ICE2: variants seen among roughly 807,000 people sequenced by gnomAD.
The protein encoded by ICE2 is little elongation complex subunit 2.
In ICE2, 87 loss-of-function variants were observed where a neutral mutation model predicts 105.4. That is an observed-to-expected ratio of 0.83 (90% CI 0.69 to 0.99). ICE2 has a LOEUF of 0.99. Ranked by LOEUF, ICE2 falls within the 50% of genes least tolerant of loss-of-function variation. The pLI, the probability that ICE2 is intolerant of heterozygous loss-of-function variation, is 0.00. For synonymous variants in ICE2, 399 were observed against 392.0 expected (o/e 1.02, Z -0.21); for missense variants, 1,323 against 1,146.7 (o/e 1.15, Z -2.22).
rs987236921 is a variant in ICE2, at chr15:60,420,235, T to G, written c.*3399A>C. On this transcript the variant is annotated 3_prime_UTR_variant, in exon 16 of 16. Coordinates refer to ENST00000261520, the MANE Select transcript of ICE2 (RefSeq NM_024611.6). ...TCAATGGGTTAACACCATCATTTAC[T>G]CAGTATCTCAAATGAGAAACCCAGA... 61 of 152,146 alleles carry G rather than the reference T, an allele frequency of 4.0e-4. No individual in the cohort carries two copies. The highest frequency in any genetic ancestry group is 1.4e-3 in the African/African-American group (59 of 41,432). 9.4% of individuals were successfully genotyped at this position (152,146 alleles called of 1,614,324 possible).
intron 14 of ICE2, among the ~76,000 whole-genome samples, chr15:60,431,337 T>A (rs2063456916): frequency 6.6e-6 from 1 of 152,104 alleles, no homozygotes; most frequent in East Asian, 1.9e-4. Flanking sequence ...GATTTTGAGA[T>A]GAGGGGATTA....
At position 60,471,612 on chromosome 15, in the gene ICE2, A is replaced by T. The variant is rs1301349377; in HGVS notation, c.147-3290T>A. 4.6e-5 allele frequency among the ~76,000 whole-genome samples: 7 copies of T among 152,238 alleles called. 1 individual carries two copies. Among genetic ancestry groups the T allele is most frequent in the Admixed American group, 3.3e-4 (5 of 15,290 alleles). ...AAGAATGAAATGGTAGCACATCAAG[A>T]TCATTTCCTTGTGCAGTGCTGTCAA... On this transcript the variant is annotated intron_variant, in intron 3 of 15. Transcript: ENST00000261520.
At chr15:60,470,249 A>G (rs1350160235) in intron 3 of ICE2, among the ~76,000 whole-genome samples, 2 of 152,254 alleles carry the variant, frequency 1.3e-5, no homozygotes, top group African/African-American at 4.8e-5. Flanking sequence ...GTACATCAAC[A>G]CAATGGGACT....
intron 3 of ICE2, among the ~76,000 whole-genome samples, chr15:60,468,539 T>C (rs2064494515): frequency 6.6e-6 from 1 of 152,214 alleles, no homozygotes; most frequent in Non-Finnish European, 1.5e-5. Flanking sequence ...TTACCTTCAA[T>C]TACCTGATGG....
intron 12 of ICE2, chr15:60,439,142 ACAAT>A (rs1378463351): frequency 6.6e-6 from 1 of 152,244 alleles, no homozygotes; most frequent in Non-Finnish European, 1.5e-5. Flanking sequence ...TACAATTGTA[ACAAT>A]CAATAGGGAA....
chr15:60,437,154 C>T (rs564674759), intron 12 of ICE2, among the ~76,000 whole-genome samples: 1 of 151,710 alleles, frequency 6.6e-6, no homozygotes. Flanking sequence ...ACTTGGGAGG[C>T]TGAGGCAGGA....
chr15:60,474,763 G>A (rs994567162), intron 3 of ICE2, among the ~76,000 whole-genome samples: 2 of 152,180 alleles, frequency 1.3e-5, no homozygotes, highest in African/African-American at 4.8e-5. Context: ...AGGTAAGAAA[G>A]TAATTAGGAG....
At chr15:60,458,289 A>G (rs1039292720) in intron 5 of ICE2, among the ~76,000 whole-genome samples, 2 of 152,138 alleles carry the variant, frequency 1.3e-5, no homozygotes, top group African/African-American at 4.8e-5. Flanking sequence ...CCCATCACTC[A>G]CCCACTGAGT....
At chr15:60,428,978 C>G (rs985061560) in intron 14 of ICE2, among the ~76,000 whole-genome samples, 5 of 152,132 alleles carry the variant, frequency 3.3e-5, no homozygotes, top group Non-Finnish European at 5.9e-5. Context: ...GTGCCTAATT[C>G]TCTAATCCAT....
At position 60,453,774 on chromosome 15, in the gene ICE2, TG is replaced by T; in HGVS notation, c.953del (p.Pro318GlnfsTer4). ...GTGAATTAATATATATTACTTTAACTGGTTTTGAACCTTAAAACAGAAACCA... is the reference window on the plus strand; with the variant it reads ...GTGAATTAATATATATTACTTTAACTGTTTTGAACCTTAAAACAGAAACCA... ...IQVIPVAGSK[P>X]VKVIYINSPL... is the part of the protein sequence containing the mutation. On this transcript the variant is annotated frameshift_variant, in exon 9 of 16. Transcript: ENST00000261520. LOFTEE classifies it high-confidence loss of function. 6.3e-7 allele frequency: 1 copy of T among 1,576,432 alleles called. No individual in the cohort carries two copies. The highest frequency in any genetic ancestry group is 8.7e-7 in the Non-Finnish European group (1 of 1,146,648).
At chr15:60,436,261 C>G in intron 12 of ICE2, 34 bp from the exon 13 acceptor site, 1 of 780,104 alleles carries the variant, frequency 1.3e-6, no homozygotes, top group Non-Finnish European at 2.0e-6. Context: ...AAAGAAGAAG[C>G]AATTGCAGTA....
Position 60,471,033 on chromosome 15 carries a change from T to C in ICE2, c.147-2711A>G, listed in dbSNP as rs28460375. Among the ~76,000 whole-genome samples the C allele has an allele frequency of 4.3e-3, 648 of 152,204 alleles. 2 individuals are homozygous for C. The highest frequency in any genetic ancestry group is 0.013 in the African/African-American group (560 of 41,536). ...GATTAGTTTTAAATTAACTTTATAA[T>C]ACTAGAATAAATACGGCAAAAATTC... On this transcript the variant is annotated intron_variant, in intron 3 of 15. Transcript: ENST00000261520.
At chr15:60,452,682 T>A (rs991747332) in intron 9 of ICE2, 1 of 167,518 alleles carries the variant, frequency 6.0e-6, no homozygotes, top group Admixed American at 6.5e-5. Flanking sequence ...TACAGAATAA[T>A]AAAAGCTAAT....
rs1486477941 is a variant in ICE2 at position 60,421,138 on chromosome 15, C to T, written c.*2496G>A. 2 of 151,844 alleles carry T rather than the reference C, an allele frequency of 1.3e-5. No individual in the cohort carries two copies. Among genetic ancestry groups the T allele is most frequent in the Non-Finnish European group, 2.9e-5 (2 of 68,024 alleles). 9.4% of individuals were successfully genotyped at this position (151,844 alleles called of 1,614,324 possible). On this transcript the variant is annotated 3_prime_UTR_variant, in exon 16 of 16. Coordinates refer to ENST00000261520, the MANE Select transcript of ICE2 (RefSeq NM_024611.6). The stretch of plus-strand genomic sequence containing the variant: ...TTTTCAAAGAGGTGTGTATAAATTA[C>T]ACCTTCACTGCTGAGGTATAAATGG...
intron 13 of ICE2, among the ~76,000 whole-genome samples, chr15:60,435,611 A>T (rs1406952633): frequency 6.6e-6 from 1 of 150,944 alleles, no homozygotes. Flanking sequence ...AAAAAAAAAA[A>T]AAAAATCACA....
intron 3 of ICE2, among the ~76,000 whole-genome samples, chr15:60,474,773 G>A (rs2064709445): frequency 6.6e-6 from 1 of 152,156 alleles, no homozygotes; most frequent in African/African-American, 2.4e-5. Context: ...GTAATTAGGA[G>A]AATATGTGGA....
chr15:60,478,878 G>C, intron 1 of ICE2, 125 bp downstream of exon 1: 1 of 441,508 alleles, frequency 2.3e-6, no homozygotes, highest in Non-Finnish European at 4.6e-6. Context: ...GCCGCGCAGA[G>C]CCAGGAGCAA....
At position 60,420,028 on chromosome 15, in the gene ICE2, T is replaced by G. The variant is rs2063226983; in HGVS notation, c.*3606A>C. On this transcript the variant is annotated 3_prime_UTR_variant, in exon 16 of 16. Transcript: ENST00000261520. ...TTCATGAGAGACCTGGACTTTTGAC[T>G]TACAGAAACTGTGAGATAATGTTTG... 6.6e-6 allele frequency: 1 copy of G among 152,190 alleles called. No homozygotes were observed. The highest frequency in any genetic ancestry group is 2.1e-4 in the South Asian group (1 of 4,832). 9.4% of individuals were successfully genotyped at this position (152,190 alleles called of 1,614,324 possible). A position where few individuals can be genotyped will look rare whatever the true frequency, so the allele number is the denominator to read the frequency against.
At position 60,429,454 on chromosome 15, in the gene ICE2, T is replaced by C. The variant is rs368231340; in HGVS notation, c.2562-767A>G. Among the ~76,000 whole-genome samples the C allele has an allele frequency of 5.8e-4, 89 of 152,300 alleles. 2 individuals are homozygous for C. The South Asian group carries it at 0.018, about 31-fold the overall frequency. On this transcript the variant is annotated intron_variant, in intron 14 of 15. Transcript: ENST00000261520. ...ATCCTCTACTGTAGCAATAACAAAC[T>C]ATGTTGAACATCAAATCCACATTTT...
Sources: allele counts gnomAD v4.1 joint callset (sites outside exome capture counted in the v4.1 genomes callset), GRCh38; gene constraint gnomAD v4.1.1; transcripts MANE v1.5; gene names NCBI Gene and HGNC (gene_info 2026-07-23, HGNC 2026-07-21).